Variants in FOXP1 observed in about 807,000 individuals in gnomAD.
FOXP1 encodes forkhead box protein P1.
A neutral mutation model predicts 98.2 loss-of-function variants in FOXP1; 15 were observed. The observed-to-expected ratio is 0.15, with a 90% confidence interval of 0.10 to 0.24. The LOEUF (loss-of-function observed/expected upper bound fraction) is 0.24. FOXP1 is among the 10% of genes least tolerant of loss of function. FOXP1 has a pLI of 1.00. For synonymous variants in FOXP1, 371 were observed against 314.5 expected (o/e 1.18, Z -1.90); for missense variants, 633 against 848.5 (o/e 0.75, Z 3.15).
intron 3 of FOXP1, among the ~76,000 whole-genome samples, chr3:71,364,248 C>A (rs1436522214): frequency 1.3e-5 from 2 of 152,212 alleles, no homozygotes; most frequent in African/African-American, 2.4e-5. Flanking sequence ...TAAGCAGAAG[C>A]TCTGTCAATT....
At chr3:71,482,729 T>G (rs1033119133) in intron 3 of FOXP1, among the ~76,000 whole-genome samples, 2 of 152,096 alleles carry the variant, frequency 1.3e-5, no homozygotes, top group African/African-American at 4.8e-5. Flanking sequence ...AATTTTTTTT[T>G]AAATTTTCTG....
At chr3:71,222,514 G>C (rs1337287833) in intron 5 of FOXP1, among the ~76,000 whole-genome samples, 1 of 152,106 alleles carries the variant, frequency 6.6e-6, no homozygotes, top group Non-Finnish European at 1.5e-5. Flanking sequence ...TGCCTCTCAG[G>C]TTCAAGCAAT....
At chr3:71,326,423 AAAC>A (rs894189529) in intron 4 of FOXP1, among the ~76,000 whole-genome samples, 2 of 152,314 alleles carry the variant, frequency 1.3e-5, no homozygotes, top group African/African-American at 4.8e-5. Flanking sequence ...ATGATGGCCA[AAAC>A]AACAACAACA....
intron 7 of FOXP1, among the ~76,000 whole-genome samples, chr3:71,109,427 G>GTT (rs35600648): frequency 1.2e-3 from 183 of 147,496 alleles, no homozygotes; most frequent in Admixed American, 2.6e-3. Flanking sequence ...GGATTTGGGG[G>GTT]TTTTTTTTTT....
At chr3:71,121,247 C>T (rs2058744893) in intron 6 of FOXP1, among the ~76,000 whole-genome samples, 1 of 151,802 alleles carries the variant, frequency 6.6e-6, no homozygotes, top group African/African-American at 2.4e-5. Flanking sequence ...GCCAATCAAG[C>T]CCAGGAAGGG....
chr3:71,133,857 CA>C (rs1462691655), intron 6 of FOXP1, among the ~76,000 whole-genome samples: 1 of 151,444 alleles, frequency 6.6e-6, no homozygotes, highest in South Asian at 2.1e-4. Context: ...CACTTTAAAA[CA>C]AAAAAACACT....
chr3:71,212,572 A>G (rs2064568261), intron 5 of FOXP1, among the ~76,000 whole-genome samples: 1 of 152,192 alleles, frequency 6.6e-6, no homozygotes, highest in Non-Finnish European at 1.5e-5. Flanking sequence ...TTCTCACACC[A>G]TCAAAAAACT....
intron 6 of FOXP1, among the ~76,000 whole-genome samples, chr3:71,189,706 G>A (rs2062852003): frequency 6.6e-6 from 1 of 152,212 alleles, no homozygotes; most frequent in Admixed American, 6.5e-5. Context: ...AAAAGGTCCT[G>A]TTTTTCCCAA....
intron 4 of FOXP1, among the ~76,000 whole-genome samples, chr3:71,358,916 G>C (rs1393411629): frequency 2.0e-5 from 3 of 152,080 alleles, no homozygotes; most frequent in Non-Finnish European, 2.9e-5. Context: ...ACCAACCCCT[G>C]CATTAGGTCA....
At position 71,293,427 on chromosome 3, in the gene FOXP1, T is replaced by C. The variant is rs571815776; in HGVS notation, c.-12+6393A>G. ...GGCTGCAGTAAGCTCTGATCACACCTATGAACAGCCACTGTAATCCTGCCT... is the reference window on the plus strand; with the variant it reads ...GGCTGCAGTAAGCTCTGATCACACCCATGAACAGCCACTGTAATCCTGCCT... On this transcript the variant is annotated intron_variant, in intron 5 of 20. Coordinates refer to ENST00000649528, the MANE Select transcript of FOXP1 (RefSeq NM_001349338.3). Among the ~76,000 whole-genome samples the C allele has an allele frequency of 4.0e-5, 6 of 151,746 alleles. No individual in the cohort carries two copies. In the East Asian group the frequency reaches 1.2e-3, roughly 29 times the overall value.
chr3:71,004,829 T>C (rs2042566012), intron 12 of FOXP1, among the ~76,000 whole-genome samples: 1 of 152,168 alleles, frequency 6.6e-6, no homozygotes, highest in East Asian at 1.9e-4. Flanking sequence ...TTGGTCACAC[T>C]GCTTGATGGT....
At chr3:71,130,918 T>TGC (rs2059535494) in intron 6 of FOXP1, 1 of 1,343,984 alleles carries the variant, frequency 7.4e-7, no homozygotes, top group Non-Finnish European at 9.5e-7. Context: ...GCACACGCAG[T>TGC]GCGCCCTGGC....
rs183505116 is a variant in FOXP1 at position 71,201,638 on chromosome 3, G to A, written c.-11-3246C>T. ...CAAGGCTCTGTCTCGAAAAAAGGGG[G>A]CGGGGAGAGGGAAAAAAAAAAGAAT... On this transcript the variant is annotated intron_variant, in intron 5 of 20. Coordinates refer to ENST00000649528, the MANE Select transcript of FOXP1 (RefSeq NM_001349338.3). Among the ~76,000 whole-genome samples the A allele has an allele frequency of 6.6e-4, 100 of 152,056 alleles. 1 individual carries two copies. The highest frequency in any genetic ancestry group is 6.8e-3 in the Middle Eastern group (2 of 294).
At chr3:71,018,750 G>T (rs2044913660) in intron 11 of FOXP1, among the ~76,000 whole-genome samples, 1 of 152,298 alleles carries the variant, frequency 6.6e-6, no homozygotes, top group East Asian at 1.9e-4. Flanking sequence ...GTTGCCTCTG[G>T]GGAGGGGTAC....
intron 3 of FOXP1, among the ~76,000 whole-genome samples, chr3:71,445,691 T>C (rs975735267): frequency 2.7e-4 from 19 of 70,954 alleles, no homozygotes; most frequent in African/African-American, 1.0e-3. Context: ...ATTTATACCT[T>C]TTTTTTTTTT....
chr3:71,014,785 T>C (rs554002377), intron 12 of FOXP1, among the ~76,000 whole-genome samples: 3 of 152,256 alleles, frequency 2.0e-5, no homozygotes, highest in South Asian at 2.1e-4. Flanking sequence ...ATGTGGCACA[T>C]ATACACCATG....
intron 4 of FOXP1, among the ~76,000 whole-genome samples, chr3:71,347,608 G>A (rs749373320): frequency 6.6e-5 from 10 of 152,104 alleles, no homozygotes; most frequent in Non-Finnish European, 1.3e-4. Context: ...AGAGTCGGCT[G>A]GGGGAGGTGG....
At chr3:71,324,059 C>A (rs2075543742) in intron 4 of FOXP1, among the ~76,000 whole-genome samples, 1 of 151,822 alleles carries the variant, frequency 6.6e-6, no homozygotes, top group Non-Finnish European at 1.5e-5. Context: ...TCATATCTAT[C>A]ATTTAAATAT....
Position 71,198,328 on chromosome 3 carries a change from A to G in FOXP1, c.54T>C (p.Asn18=), listed in dbSNP as rs1264184449. 1 of 1,588,894 alleles carries G rather than the reference A, an allele frequency of 6.3e-7. No individual in the cohort carries two copies. The highest frequency in any genetic ancestry group is 8.6e-7 in the Non-Finnish European group (1 of 1,169,356). ...ETKSNGSAIQ[N]GSGGSNHLLE... is the part of the protein sequence containing the mutation. ...GTAAGTGGTTGCTGCCGCCCGACCCATTCTGGATGGCTGAACCGTTACTTT... is the reference window on the plus strand; with the variant it reads ...GTAAGTGGTTGCTGCCGCCCGACCCGTTCTGGATGGCTGAACCGTTACTTT... The change falls in exon 6 of 21, where the codon AAT becomes AAC. Residue 18 remains asparagine (N), a synonymous_variant. Transcript: ENST00000649528.
Sources: allele counts gnomAD v4.1 joint callset (sites outside exome capture counted in the v4.1 genomes callset), GRCh38; gene constraint gnomAD v4.1.1; transcripts MANE v1.5; gene names NCBI Gene and HGNC (gene_info 2026-07-23, HGNC 2026-07-21).